Variants in ADAM23 observed in about 807,000 individuals in gnomAD.
ADAM23 encodes disintegrin and metalloproteinase domain-containing protein 23.
A neutral mutation model predicts 120.1 loss-of-function variants in ADAM23; 33 were observed. The observed-to-expected ratio is 0.27, with a 90% CI of 0.21 to 0.37. The LOEUF is 0.37. Among genes scored for constraint, ADAM23 ranks in the 10% least tolerant of loss-of-function variants. ADAM23 has a pLI of 1.00. For synonymous variants in ADAM23, 367 were observed against 375.2 expected, an observed-to-expected ratio of 0.98 and a Z score of 0.25; for missense variants, 862 against 1,058.2, an observed-to-expected ratio of 0.81 and a Z score of 2.57.
At chr2:206,585,230 C>A (rs1403792968) in intron 18 of ADAM23, among the ~76,000 whole-genome samples, 2 of 152,118 alleles carry the variant, frequency 1.3e-5, no homozygotes, top group Non-Finnish European at 2.9e-5. Context: ...GCCTCCTGTC[C>A]GCCATGATCC....
At chr2:206,532,627 GA>G (rs1697089133) in intron 4 of ADAM23, among the ~76,000 whole-genome samples, 2 of 151,936 alleles carry the variant, frequency 1.3e-5, no homozygotes, top group Admixed American at 1.3e-4. Flanking sequence ...ATGTACATCA[GA>G]AAAACCCAAG....
chr2:206,553,972 T>C (rs1697588181), intron 9 of ADAM23, among the ~76,000 whole-genome samples: 1 of 152,188 alleles, frequency 6.6e-6, no homozygotes, highest in Non-Finnish European at 1.5e-5. Context: ...ATTGCATGTG[T>C]TCAGGAAGGA....
chr2:206,467,214 A>G (rs918768382), intron 2 of ADAM23, among the ~76,000 whole-genome samples: 7 of 152,230 alleles, frequency 4.6e-5, no homozygotes, highest in African/African-American at 1.4e-4. Context: ...CCTTCTGAAC[A>G]GTCCCCCAGA....
chr2:206,581,908 G>A (rs1039212553), intron 18 of ADAM23, among the ~76,000 whole-genome samples: 5 of 151,170 alleles, frequency 3.3e-5, no homozygotes, highest in South Asian at 2.1e-4. Flanking sequence ...ATGGAGTTTC[G>A]CTCTTGTTGC....
intron 3 of ADAM23, among the ~76,000 whole-genome samples, chr2:206,512,650 AAAG>A (rs1366050113): frequency 6.6e-6 from 1 of 152,228 alleles, no homozygotes; most frequent in Non-Finnish European, 1.5e-5. Context: ...AAACTCTGAA[AAAG>A]ACTTTTTTTT....
At chr2:206,538,615 A>T (rs1293263944) in intron 4 of ADAM23, among the ~76,000 whole-genome samples, 2 of 152,196 alleles carry the variant, frequency 1.3e-5, no homozygotes, top group Non-Finnish European at 2.9e-5. Context: ...TGGGAGTTTC[A>T]TAAGCAGTAA....
intron 18 of ADAM23, among the ~76,000 whole-genome samples, chr2:206,576,479 G>A (rs2105835742): frequency 6.6e-6 from 1 of 152,026 alleles, no homozygotes; most frequent in African/African-American, 2.4e-5. Flanking sequence ...TAATTTCTCA[G>A]TACATATTAG....
At chr2:206,502,185 A>G (rs543645755) in intron 3 of ADAM23, among the ~76,000 whole-genome samples, 17 of 152,254 alleles carry the variant, frequency 1.1e-4, no homozygotes, top group Admixed American at 4.6e-4. Flanking sequence ...TAACACATCT[A>G]TCTTCCAAAT....
intron 24 of ADAM23, among the ~76,000 whole-genome samples, chr2:206,599,494 C>G (rs1022602197): frequency 3.9e-5 from 6 of 152,040 alleles, no homozygotes; most frequent in African/African-American, 1.4e-4. Flanking sequence ...ATCTTTTTAA[C>G]CTCTATTTAA....
At chr2:206,522,758 C>G (rs932177620) in intron 3 of ADAM23, among the ~76,000 whole-genome samples, 1 of 151,576 alleles carries the variant, frequency 6.6e-6, no homozygotes, top group African/African-American at 2.4e-5. Context: ...TAACTATGTG[C>G]AGAAGATAGG....
At chr2:206,603,233 C>G (rs1698671959) in intron 24 of ADAM23, among the ~76,000 whole-genome samples, 1 of 152,138 alleles carries the variant, frequency 6.6e-6, no homozygotes, top group Non-Finnish European at 1.5e-5. Flanking sequence ...CTATGAAAAG[C>G]AGCTGCAACC....
intron 3 of ADAM23, among the ~76,000 whole-genome samples, chr2:206,528,660 A>G (rs1696988548): frequency 6.6e-6 from 1 of 152,200 alleles, no homozygotes; most frequent in South Asian, 2.1e-4. Flanking sequence ...ATGCAAAATC[A>G]TTGAGTCCTC....
At chr2:206,583,908 A>AT (rs1215286936) in intron 18 of ADAM23, among the ~76,000 whole-genome samples, 3 of 151,850 alleles carry the variant, frequency 2.0e-5, no homozygotes, top group Non-Finnish European at 2.9e-5. Context: ...AACTAGTGTG[A>AT]TTTTTTGGGG....
Position 206,524,074 on chromosome 2 carries a change from A to G in ADAM23, c.510-6811A>G, listed in dbSNP as rs13389064. 3.5e-3 allele frequency among the ~76,000 whole-genome samples: 526 copies of G among 152,284 alleles called. 3 individuals are homozygous for G. Among genetic ancestry groups the G allele is most frequent in the African/African-American group, 0.012 (503 of 41,556 alleles). On this transcript the variant is annotated intron_variant, in intron 3 of 25. Coordinates refer to ENST00000264377, the MANE Select transcript of ADAM23 (RefSeq NM_003812.4). ...TCATTTAGGTGTGATTAGGGCTCCC[A>G]GTACTGAGAACTTAAGTACTTTCAA...
intron 2 of ADAM23, among the ~76,000 whole-genome samples, chr2:206,478,316 G>A (rs1695825768): frequency 6.6e-6 from 1 of 152,094 alleles, no homozygotes; most frequent in African/African-American, 2.4e-5. Flanking sequence ...GATGAATATG[G>A]TGAGGAAATC....
chr2:206,577,944 T>A (rs1698148944), intron 18 of ADAM23, among the ~76,000 whole-genome samples: 2 of 151,494 alleles, frequency 1.3e-5, no homozygotes, highest in South Asian at 2.1e-4. Context: ...GACTTTTTAA[T>A]GATTGCCATT....
intron 2 of ADAM23, among the ~76,000 whole-genome samples, chr2:206,476,932 A>C (rs1470608181): frequency 1.3e-5 from 2 of 152,188 alleles, no homozygotes; most frequent in African/African-American, 4.8e-5. Context: ...CTGTTTGAAC[A>C]CCTATTATGT....
At chr2:206,573,943 GA>G (rs1378833628) in intron 18 of ADAM23, among the ~76,000 whole-genome samples, 2 of 152,098 alleles carry the variant, frequency 1.3e-5, no homozygotes, top group Admixed American at 1.3e-4. Context: ...CTCATTAACA[GA>G]GTTTTTGCTT....
Position 206,502,929 on chromosome 2 carries a change from G to T in ADAM23, c.509+21621G>T, listed in dbSNP as rs144383143. On this transcript the variant is annotated intron_variant, in intron 3 of 25. Coordinates refer to ENST00000264377, the MANE Select transcript of ADAM23 (RefSeq NM_003812.4). ...GTGTCTCTAACTGCTTCATCCCCCA[G>T]GGGGAGCTATGTAGATTCCCCGTGG... Among the ~76,000 whole-genome samples the T allele has an allele frequency of 3.2e-4, 48 of 152,244 alleles. No homozygotes were observed. The East Asian group carries it at 9.1e-3, about 29-fold the overall frequency.
Sources: gnomAD v4.1 joint callset for allele counts (sites outside exome capture counted in the v4.1 genomes callset) on GRCh38, gnomAD v4.1.1 for gene constraint, MANE v1.5 for transcripts, NCBI Gene and HGNC (gene_info 2026-07-23, HGNC 2026-07-21) for gene names.